The following THAP8 variants were observed in gnomAD, a reference collection of about 807,000 sequenced individuals.
The protein encoded by THAP8 is THAP domain-containing protein 8.
In THAP8, 24 loss-of-function variants were observed where a neutral mutation model predicts 25.0. The ratio of observed to expected loss-of-function variants is 0.96; its 90% CI spans 0.69 to 1.35. The LOEUF is 1.35. Ranked by LOEUF, THAP8 falls within the 40% of genes most tolerant of loss-of-function variation. The pLI is 0.00. For missense variants in THAP8, 399 were observed against 368.8 expected (o/e 1.08, Z -0.67); for synonymous variants, 169 against 157.6 (o/e 1.07, Z -0.54).
In THAP8 at chr19:36,054,267, T is replaced by C; in HGVS notation, c.-50A>G. ...TGCCGGGTCAGCGGCTGCACTTTGG[T>C]TCTCGCGGAGCGCCGCCTAACCCCG... On this transcript the variant is annotated 5_prime_UTR_variant, in exon 1 of 4. Transcript: ENST00000292894. 6.3e-7 allele frequency: 1 copy of C among 1,583,240 alleles called. No individual in the cohort carries two copies. Among genetic ancestry groups the C allele is most frequent in the Non-Finnish European group, 8.6e-7 (1 of 1,164,114 alleles).
At chr19:36,036,377 G>A (rs560294687) in intron 3 of THAP8, among the ~76,000 whole-genome samples, 1 of 145,828 alleles carries the variant, frequency 6.9e-6, no homozygotes, top group Admixed American at 7.2e-5. Context: ...CTGGACTCAA[G>A]CAATACTCCC....
At chr19:36,038,773 C>A (rs1969569804) in intron 3 of THAP8, among the ~76,000 whole-genome samples, 1 of 151,844 alleles carries the variant, frequency 6.6e-6, no homozygotes. Context: ...ATCGCTTGAA[C>A]CTGGGAGGCA....
At chr19:36,047,264 G>C (rs1969910640) in intron 1 of THAP8, among the ~76,000 whole-genome samples, 1 of 152,046 alleles carries the variant, frequency 6.6e-6, no homozygotes, top group African/African-American at 2.4e-5. Flanking sequence ...ATTTCTTCAG[G>C]CTGATTAAAT....
chr19:36,042,854 C>T (rs749071639), intron 1 of THAP8, among the ~76,000 whole-genome samples: 1 of 152,258 alleles, frequency 6.6e-6, no homozygotes. Flanking sequence ...GCAATCTCTG[C>T]CTCCTGGGTT....
intron 1 of THAP8, chr19:36,045,644 G>C (rs1056694033): frequency 2.3e-6 from 1 of 439,972 alleles, no homozygotes; most frequent in African/African-American, 2.0e-5. Flanking sequence ...TGGGTCATCC[G>C]GGTTGGCCCT....
chr19:36,054,228 C>T lies in THAP8; in HGVS notation c.-11G>A, dbSNP rs746244849. On this transcript the variant is annotated 5_prime_UTR_variant, in exon 1 of 4. Coordinates refer to ENST00000292894, the MANE Select transcript of THAP8 (RefSeq NM_152658.3). The stretch of plus-strand genomic sequence containing the variant: ...GCAGTACTTGGGCATGGCTATCCAG[C>T]CCCCGCTGAGTTTTGCCGGGTCAGC... 3.7e-5 allele frequency: 59 copies of T among 1,612,298 alleles called. 1 individual carries two copies. The Admixed American group carries it at 9.5e-4, about 26-fold the overall frequency.
chr19:36,040,694 C>T (rs1434857614), intron 1 of THAP8, among the ~76,000 whole-genome samples: 3 of 152,102 alleles, frequency 2.0e-5, no homozygotes, highest in Non-Finnish European at 2.9e-5. Flanking sequence ...CACCTCTGCC[C>T]CCTCCACTGC....
intron 3 of THAP8, among the ~76,000 whole-genome samples, chr19:36,036,255 C>G (rs977268723): frequency 6.8e-6 from 1 of 147,952 alleles, no homozygotes; most frequent in Admixed American, 6.9e-5. Flanking sequence ...TATGCAGAGC[C>G]TTCAGGAAAG....
At chr19:36,039,174 C>A in intron 3 of THAP8, 149 bp downstream of exon 3, 2 of 1,160,354 alleles carry the variant, frequency 1.7e-6, no homozygotes, top group Non-Finnish European at 2.3e-6. Context: ...GGATTACAGG[C>A]GTGAGCCACT....
In THAP8 at chr19:36,035,395, C is replaced by T; in HGVS notation, c.*45G>A. On this transcript the variant is annotated 3_prime_UTR_variant, in exon 4 of 4. Transcript: ENST00000292894. ...AAGCCCACGTATAATGTCTTTCCTC[C>T]TCCATCTTCTATCTTTTGTCCCTCG... is the stretch of plus-strand genomic sequence containing the variant. 1.9e-6 allele frequency: 3 copies of T among 1,588,004 alleles called. No individual in the cohort carries two copies. The highest frequency in any genetic ancestry group is 2.6e-6 in the Non-Finnish European group (3 of 1,161,748).
intron 1 of THAP8, among the ~76,000 whole-genome samples, chr19:36,049,987 G>A (rs1272493073): frequency 6.7e-6 from 1 of 150,250 alleles, no homozygotes; most frequent in Non-Finnish European, 1.5e-5. Flanking sequence ...CTGGGAGGCA[G>A]AGGTTGCAGT....
chr19:36,039,468 A>T lies in THAP8; in HGVS notation c.527T>A (p.Val176Glu), dbSNP rs929015336. 2 of 1,600,396 alleles carry T rather than the reference A, an allele frequency of 1.2e-6. No homozygotes were observed. The highest frequency in any genetic ancestry group is 1.1e-5 in the South Asian group (1 of 89,396). ...AQQAQTGLGP[V>E]LGALQRRVRR... ...CACCCGGCGTTGCAGTGCTCCCAGC[A>T]CTGGGCCCAGCCCGGTCTGGGCCTG... Residue 176 changes from valine to glutamate, a missense_variant, in exon 3 of 4, where the codon GTG (valine) becomes GAG (glutamate). Physicochemically the swap from Val to Glu is moderately radical, Grantham distance 121. Coordinates refer to ENST00000292894, the MANE Select transcript of THAP8 (RefSeq NM_152658.3).
chr19:36,050,298 C>A (rs1970020510), intron 1 of THAP8, among the ~76,000 whole-genome samples: 1 of 152,086 alleles, frequency 6.6e-6, no homozygotes, highest in Non-Finnish European at 1.5e-5. Flanking sequence ...GTGTGTACCA[C>A]CACGTCCAGC....
rs987559680 is a variant in THAP8 at position 36,035,314 on chromosome 19, C to G, written c.*126G>C. On this transcript the variant is annotated 3_prime_UTR_variant, in exon 4 of 4. Coordinates refer to ENST00000292894, the MANE Select transcript of THAP8 (RefSeq NM_152658.3). Reference sequence around the variant, plus strand: ...ATCCCTAGGAGTGGGGTGGTAGAACCCAGGCCCTTGAGGGAGGCACTGCTA... The same window carrying G: ...ATCCCTAGGAGTGGGGTGGTAGAACGCAGGCCCTTGAGGGAGGCACTGCTA... 7.7e-7 allele frequency: 1 copy of G among 1,292,532 alleles called. No individual in the cohort carries two copies. The highest frequency in any genetic ancestry group is 1.1e-6 in the Non-Finnish European group (1 of 951,194). 80.1% of individuals were successfully genotyped at this position (1,292,532 alleles called of 1,614,324 possible). A position where few individuals can be genotyped will look rare whatever the true frequency, so the allele number is the denominator to read the frequency against.
At chr19:36,035,707 C>G (rs1254498869) in intron 3 of THAP8, 115 bp from the exon 4 acceptor site, 26 of 1,215,872 alleles carry the variant, frequency 2.1e-5, no homozygotes, top group Admixed American at 4.2e-5. Context: ...TGTCAGGAAA[C>G]AGAGAGAGAT....
At chr19:36,050,894 C>G (rs1039470336) in intron 1 of THAP8, among the ~76,000 whole-genome samples, 18 of 152,152 alleles carry the variant, frequency 1.2e-4, no homozygotes, top group Non-Finnish European at 2.9e-5. Context: ...AGGCATTCAC[C>G]AAATCCACCC....
upstream of THAP8, chr19:36,054,434 A>G (rs1970225562): frequency 6.5e-6 from 4 of 614,684 alleles, no homozygotes; most frequent in South Asian, 3.8e-5. Context: ...AATGGGCCAT[A>G]GCGAGTACTG....
At chr19:36,037,523 C>T (rs1473180066) in intron 3 of THAP8, among the ~76,000 whole-genome samples, 1 of 152,178 alleles carries the variant, frequency 6.6e-6, no homozygotes, top group African/African-American at 2.4e-5. Flanking sequence ...GGGTTTGAAT[C>T]CTGGCCCTGA....
chr19:36,035,987 GGGA>G (rs1051230161), intron 3 of THAP8, among the ~76,000 whole-genome samples: 4 of 152,120 alleles, frequency 2.6e-5, no homozygotes, highest in African/African-American at 9.7e-5. Context: ...ATGTTGGGGA[GGGA>G]GGAGATTGGG....
Sources: allele counts gnomAD v4.1 joint callset (sites outside exome capture counted in the v4.1 genomes callset), GRCh38; gene constraint gnomAD v4.1.1; transcripts MANE v1.5; gene names NCBI Gene and HGNC (gene_info 2026-07-23, HGNC 2026-07-21).